The following SCAF4 variants were observed in gnomAD, a reference collection of about 807,000 sequenced individuals.
The protein encoded by SCAF4 is SR-related and CTD-associated factor 4.
In SCAF4, 25 loss-of-function variants were observed where a neutral mutation model predicts 129.8. That is an observed-to-expected ratio of 0.19 (90% CI 0.14 to 0.27). The LOEUF is 0.27. Among genes scored for constraint, SCAF4 ranks in the 10% least tolerant of loss-of-function variants. The probability of loss-of-function intolerance (pLI) is 1.00; values close to 1 mark genes in which losing one functional copy is unlikely to be tolerated. For synonymous variants in SCAF4, 551 were observed against 497.7 expected (o/e 1.11, Z -1.43); for missense variants, 1,246 against 1,457.1 (o/e 0.86, Z 2.36).
chr21:31,721,719 G>A (rs1407596491), intron 1 of SCAF4, among the ~76,000 whole-genome samples: 9 of 148,338 alleles, frequency 6.1e-5, no homozygotes, highest in Admixed American at 2.7e-4. Context: ...TCAAGCAAGA[G>A]CAATTCTTTT....
chr21:31,682,123 A>T (rs2050008964), intron 19 of SCAF4, among the ~76,000 whole-genome samples: 1 of 152,204 alleles, frequency 6.6e-6, no homozygotes, highest in South Asian at 2.1e-4. Context: ...ATGTCAAGAT[A>T]AATTTTTTCC....
chr21:31,698,767 T>C (rs573113140), intron 7 of SCAF4, among the ~76,000 whole-genome samples: 78 of 152,340 alleles, frequency 5.1e-4, no homozygotes, highest in African/African-American at 1.7e-3. Context: ...CCTGAGTTTT[T>C]AGTCTGCTAT....
chr21:31,702,531 A>G, intron 4 of SCAF4, 152 bp from the exon 5 acceptor site: 1 of 689,946 alleles, frequency 1.4e-6, no homozygotes, highest in African/African-American at 1.8e-5. Context: ...CAGAATTACA[A>G]CCTGGTTAAA....
At chr21:31,706,024 C>CAGTGA (rs2050652912) in intron 2 of SCAF4, among the ~76,000 whole-genome samples, 4 of 152,164 alleles carry the variant, frequency 2.6e-5, no homozygotes, top group Non-Finnish European at 5.9e-5. Flanking sequence ...GAGCTGAGAT[C>CAGTGA]GCACCACTGC....
intron 1 of SCAF4, among the ~76,000 whole-genome samples, chr21:31,729,780 T>C (rs73201542): frequency 0.034 from 5,136 of 152,318 alleles, 132 homozygotes; most frequent in Non-Finnish European, 0.048. Context: ...AAAATGCTCA[T>C]TTTGCACATT....
intron 1 of SCAF4, among the ~76,000 whole-genome samples, chr21:31,730,540 A>G (rs1013182626): frequency 6.6e-6 from 1 of 152,248 alleles, no homozygotes; most frequent in Non-Finnish European, 1.5e-5. Flanking sequence ...GTAAACCTAC[A>G]AAATCTGTGA....
At chr21:31,678,885 T>C (rs2049930102) in intron 19 of SCAF4, among the ~76,000 whole-genome samples, 1 of 152,196 alleles carries the variant, frequency 6.6e-6, no homozygotes, top group Non-Finnish European at 1.5e-5. Flanking sequence ...TCTGCGAAAA[T>C]ATAAACTCCA....
Position 31,671,732 on chromosome 21 carries a change from GCTC to G in SCAF4, c.3108_3110del (p.Arg1036del), listed in dbSNP as rs1568815841. The G allele has an allele frequency of 1.9e-6, 3 of 1,613,930 alleles. No individual in the cohort carries two copies. The highest frequency in any genetic ancestry group is 1.7e-5 in the Admixed American group (1 of 60,006). On this transcript the variant is annotated inframe_deletion, in exon 20 of 20. Transcript: ENST00000286835. The stretch of plus-strand genomic sequence containing the variant: ...AGTCTCTGTGCCTGTCCCGGTCAGG[GCTC>G]CTCCTTCCCCACTCTCTCCTGTCAC...
chr21:31,714,614 G>A (rs1354795825), intron 1 of SCAF4, among the ~76,000 whole-genome samples: 1 of 152,060 alleles, frequency 6.6e-6, no homozygotes, highest in Non-Finnish European at 1.5e-5. Flanking sequence ...GAAGAACGAG[G>A]GTATCTGGCC....
At chr21:31,717,936 C>CAG (rs1568862408) in intron 1 of SCAF4, among the ~76,000 whole-genome samples, 1 of 132,910 alleles carries the variant, frequency 7.5e-6, no homozygotes, top group Non-Finnish European at 1.6e-5. Flanking sequence ...CACACACACA[C>CAG]ACACACACAC....
chr21:31,702,034 G>A (rs553665345), intron 5 of SCAF4, 116 bp from the exon 6 acceptor site: 1 of 1,345,262 alleles, frequency 7.4e-7, no homozygotes, highest in African/African-American at 1.5e-5. Context: ...AAAATATAGA[G>A]ATTGTGGCAC....
At chr21:31,691,292 G>C (rs2050254048) in intron 14 of SCAF4, among the ~76,000 whole-genome samples, 3 of 152,176 alleles carry the variant, frequency 2.0e-5, no homozygotes, top group Admixed American at 2.0e-4. Flanking sequence ...ACTTTTCCAA[G>C]TCTAGGGGTG....
chr21:31,684,356 G>GT (rs2050064476), intron 19 of SCAF4: 1 of 152,302 alleles, frequency 6.6e-6, no homozygotes, highest in African/African-American at 2.4e-5. Flanking sequence ...AGCATGTGAT[G>GT]TATTTATTCA....
At chr21:31,688,519 A>C in intron 15 of SCAF4, 55 bp from the exon 16 acceptor site, 1 of 1,427,240 alleles carries the variant, frequency 7.0e-7, no homozygotes, top group Non-Finnish European at 9.7e-7. Context: ...TTGTAACTTT[A>C]AATCTAGAAA....
At chr21:31,717,904 T>TACAC (rs35191665) in intron 1 of SCAF4, among the ~76,000 whole-genome samples, 5,312 of 117,892 alleles carry the variant, frequency 0.045, 137 homozygotes, top group Non-Finnish European at 0.058. Flanking sequence ...TACACATATA[T>TACAC]ACACACACAC....
At chr21:31,698,921 G>C (rs1385203951) in intron 7 of SCAF4, among the ~76,000 whole-genome samples, 1 of 152,190 alleles carries the variant, frequency 6.6e-6, no homozygotes, top group African/African-American at 2.4e-5. Flanking sequence ...CAAGAATCTA[G>C]ATAGACAGAT....
Position 31,701,915 on chromosome 21 carries a change from G to A in SCAF4, c.461C>T (p.Ser154Leu). The A allele has an allele frequency of 6.2e-7, 1 of 1,613,326 alleles. No individual in the cohort carries two copies. Among genetic ancestry groups the A allele is most frequent in the Non-Finnish European group, 8.5e-7 (1 of 1,179,754 alleles). The change falls in exon 6 of 20, where the codon TCA (serine) becomes TTA (leucine). Residue 154 changes from serine (S) to leucine (L), a missense_variant. By Grantham distance (145) the Ser-to-Leu change is moderately radical (BLOSUM62 -2). This residue lies in a region of SCAF4 where 143 missense variants were observed against 161.0 expected (regional missense o/e 0.89). Coordinates refer to ENST00000286835, the MANE Select transcript of SCAF4 (RefSeq NM_020706.2). ...AGAAACTTTTACTGGAGGTGGAGGT[G>A]AGCCTAAAAAAGAAAAGGGCATTAA... ...VAENVTNNEG[S>L]PPPPVKVSSE...
At chr21:31,696,925 C>A (rs1456716622) in intron 7 of SCAF4, among the ~76,000 whole-genome samples, 175 bp from the exon 8 acceptor site, 2 of 152,144 alleles carry the variant, frequency 1.3e-5, no homozygotes, top group Non-Finnish European at 2.9e-5. Flanking sequence ...AATTTTTACA[C>A]AGATGCCAGT....
chr21:31,728,657 A>G (rs75132563), intron 1 of SCAF4, among the ~76,000 whole-genome samples: 3,088 of 152,222 alleles, frequency 0.02, 107 homozygotes, highest in African/African-American at 0.071. Context: ...ATATGTGTAC[A>G]TATCTAATGC....
Sources: allele counts gnomAD v4.1 joint callset (sites outside exome capture counted in the v4.1 genomes callset), GRCh38; gene constraint gnomAD v4.1.1; regional missense constraint gnomAD v4.1.1; transcripts MANE v1.5; gene names NCBI Gene and HGNC (gene_info 2026-07-23, HGNC 2026-07-21).